EVI5: variants seen among roughly 807,000 people sequenced by gnomAD.
EVI5 encodes ecotropic viral integration site 5, also known as ecotropic viral integration site 5 protein homolog.
In EVI5, 73 loss-of-function variants were observed where a neutral mutation model predicts 112.0. The observed-to-expected ratio is 0.65, with a 90% CI of 0.54 to 0.79. EVI5 has a LOEUF of 0.79. Among genes scored for constraint, EVI5 ranks in the 30% least tolerant of loss-of-function variants. The pLI is 0.00. For synonymous variants in EVI5, 305 were observed against 319.9 expected (o/e 0.95, Z 0.50); for missense variants, 900 against 968.8 (o/e 0.93, Z 0.94).
At chr1:92,756,653 T>C (rs1489699664) in intron 1 of EVI5, 2 of 503,942 alleles carry the variant, frequency 4.0e-6, no homozygotes, top group Non-Finnish European at 8.1e-6. Flanking sequence ...TCACAGCCAG[T>C]TCACTTTCAG....
chr1:92,764,941 T>A (rs1238174557), intron 1 of EVI5, among the ~76,000 whole-genome samples: 1 of 152,144 alleles, frequency 6.6e-6, no homozygotes, highest in Non-Finnish European at 1.5e-5. Context: ...ACACAATCTA[T>A]AAAAGAATTA....
At chr1:92,694,461 T>C (rs1669995308) in intron 7 of EVI5, 73 bp from the exon 8 acceptor site, 1 of 843,276 alleles carries the variant, frequency 1.2e-6, no homozygotes, top group Non-Finnish European at 1.9e-6. Context: ...TTTGAAATAA[T>C]ACTAAGGTAA....
At position 92,679,647 on chromosome 1, in the gene EVI5, T is replaced by C. The variant is rs571351191; in HGVS notation, c.1098-2429A>G. On this transcript the variant is annotated intron_variant, in intron 9 of 19. Transcript: ENST00000684568. Reference sequence around the variant, plus strand: ...ATGTTACAGTAGTATGGTACATTGTTATAATTAATGAACCAATATTAACAC... The same window carrying C: ...ATGTTACAGTAGTATGGTACATTGTCATAATTAATGAACCAATATTAACAC... 2.7e-4 allele frequency among the ~76,000 whole-genome samples: 41 copies of C among 152,328 alleles called. 1 individual carries two copies. Among genetic ancestry groups the C allele is most frequent in the African/African-American group, 9.6e-4 (40 of 41,586 alleles).
At chr1:92,665,662 T>C (rs1160804817) in intron 11 of EVI5, among the ~76,000 whole-genome samples, 4 of 152,204 alleles carry the variant, frequency 2.6e-5, no homozygotes, top group Non-Finnish European at 4.4e-5. Context: ...TAAAAGAACA[T>C]ACTTTTTAGA....
At chr1:92,537,146 C>CA (rs932414867) in intron 19 of EVI5, among the ~76,000 whole-genome samples, 9 of 151,256 alleles carry the variant, frequency 6.0e-5, no homozygotes, top group East Asian at 1.9e-4. Context: ...ATCCACACAC[C>CA]AAAAAAAACC....
At chr1:92,632,970 G>A (rs1181812514) in intron 14 of EVI5, among the ~76,000 whole-genome samples, 5 of 152,166 alleles carry the variant, frequency 3.3e-5, no homozygotes, top group Non-Finnish European at 7.4e-5. Context: ...CAGTTTCCAT[G>A]CAGTTGATCG....
chr1:92,604,423 C>G (rs1649904091), intron 18 of EVI5, among the ~76,000 whole-genome samples: 1 of 152,056 alleles, frequency 6.6e-6, no homozygotes, highest in African/African-American at 2.4e-5. Context: ...ACAGGGTCAG[C>G]ACCACCAATA....
At chr1:92,547,629 A>T (rs1479394006) in intron 19 of EVI5, among the ~76,000 whole-genome samples, 10 of 152,130 alleles carry the variant, frequency 6.6e-5, no homozygotes, top group Non-Finnish European at 1.5e-4. Context: ...AAGAGAGAAG[A>T]ATCAAATAGA....
chr1:92,594,147 C>G (rs79820295), intron 18 of EVI5, among the ~76,000 whole-genome samples: 140,256 of 152,232 alleles, frequency 0.92, 64,698 homozygotes, highest in East Asian at 0.97. Flanking sequence ...GAGGCACCAT[C>G]CCACCTGACT....
At chr1:92,611,077 C>T (rs529020020) in intron 16 of EVI5, among the ~76,000 whole-genome samples, 79 of 150,432 alleles carry the variant, frequency 5.3e-4, no homozygotes, top group Non-Finnish European at 8.7e-4. Context: ...TGCACATGTA[C>T]CCTAAAACTT....
intron 6 of EVI5, 51 bp from the exon 7 acceptor site, chr1:92,695,504 A>T: frequency 8.1e-7 from 1 of 1,234,174 alleles, no homozygotes; most frequent in Non-Finnish European, 1.1e-6. Context: ...GAGTATTTTA[A>T]ATTAGATTAT....
At chr1:92,628,642 C>A (rs898038256) in intron 14 of EVI5, among the ~76,000 whole-genome samples, 5 of 152,172 alleles carry the variant, frequency 3.3e-5, no homozygotes, top group African/African-American at 1.2e-4. Flanking sequence ...CAGTATCAAA[C>A]TTCTCTGGAG....
rs199499708 is a variant in EVI5 at position 92,736,588 on chromosome 1, G to C, written c.-42C>G. On this transcript the variant is annotated 5_prime_UTR_variant, in exon 2 of 20. Coordinates refer to ENST00000684568, the MANE Select transcript of EVI5 (RefSeq NM_001350197.2). Reference sequence around the variant, plus strand: ...GATACTGTGTTCTTCACCCATGAGAGAGTAGAGCTCAGCTTTTCTGCAACT... The same window carrying C: ...GATACTGTGTTCTTCACCCATGAGACAGTAGAGCTCAGCTTTTCTGCAACT... 1.9e-6 allele frequency: 3 copies of C among 1,613,924 alleles called. No individual in the cohort carries two copies. The highest frequency in any genetic ancestry group is 2.5e-6 in the Non-Finnish European group (3 of 1,179,938).
intron 6 of EVI5, among the ~76,000 whole-genome samples, chr1:92,696,523 G>T (rs1465854533): frequency 6.6e-6 from 1 of 152,022 alleles, no homozygotes; most frequent in Non-Finnish European, 1.5e-5. Context: ...TGTAGTTTCA[G>T]CTATCCAGGA....
At chr1:92,700,845 TAAA>T (rs1671035337) in intron 5 of EVI5, 1 of 152,194 alleles carries the variant, frequency 6.6e-6, no homozygotes, top group South Asian at 2.1e-4. Context: ...CTACCAATAC[TAAA>T]TAAAGTAGGA....
chr1:92,761,477 A>C (rs1464119161), intron 1 of EVI5, among the ~76,000 whole-genome samples: 2 of 152,234 alleles, frequency 1.3e-5, no homozygotes, highest in Non-Finnish European at 2.9e-5. Flanking sequence ...AAAATGCTGT[A>C]TCAATGCAAA....
intron 19 of EVI5, among the ~76,000 whole-genome samples, chr1:92,528,908 T>C (rs544762934): frequency 2.0e-5 from 3 of 152,206 alleles, no homozygotes; most frequent in Admixed American, 6.5e-5. Context: ...TAGATACTTA[T>C]GGTGTGTATT....
At chr1:92,581,957 A>G (rs910545555) in intron 18 of EVI5, among the ~76,000 whole-genome samples, 1 of 152,208 alleles carries the variant, frequency 6.6e-6, no homozygotes, top group African/African-American at 2.4e-5. Context: ...AAATAAGACA[A>G]ACAAGGTTCT....
chr1:92,764,607 C>A (rs1283788337), intron 1 of EVI5, among the ~76,000 whole-genome samples: 1 of 152,160 alleles, frequency 6.6e-6, no homozygotes, highest in Non-Finnish European at 1.5e-5. Flanking sequence ...CATGCAATTA[C>A]CTTGAAGAAT....
Sources: allele counts gnomAD v4.1 joint callset (sites outside exome capture counted in the v4.1 genomes callset), GRCh38; gene constraint gnomAD v4.1.1; transcripts MANE v1.5; gene names NCBI Gene and HGNC (gene_info 2026-07-23, HGNC 2026-07-21).